CRY1: variants seen among roughly 807,000 people sequenced by gnomAD.
CRY1 encodes cryptochrome circadian regulator 1.
CRY1 carries 45 observed loss-of-function variants against 76.0 expected under a neutral mutation model. The observed-to-expected ratio is 0.59, with a 90% CI of 0.47 to 0.76. The LOEUF (loss-of-function observed/expected upper bound fraction) is 0.76, where lower values mean the gene tolerates loss of function less well. CRY1 is among the 30% of genes least tolerant of loss of function. The pLI, the probability that CRY1 is intolerant of heterozygous loss-of-function variation, is 0.00. For missense variants in CRY1, 587 were observed against 716.4 expected (o/e 0.82, Z 2.06); for synonymous variants, 248 against 244.0 (o/e 1.02, Z -0.15).
At chr12:107,080,921 T>C (rs963439074) in intron 1 of CRY1, among the ~76,000 whole-genome samples, 9 of 152,078 alleles carry the variant, frequency 5.9e-5, no homozygotes, top group Non-Finnish European at 1.0e-4. Context: ...TTGTTACAGG[T>C]TGTGTATGTT....
chr12:107,001,808 TCAGA>T lies in CRY1; in HGVS notation c.547_550del (p.Ser183MetfsTer15), dbSNP rs768721057. ...GACTCCATATTTCTCATCATGGTCATCAGACAGAGGAGTTGTGCACTTTTCTATC... is the reference window on the plus strand; with the variant it reads ...GACTCCATATTTCTCATCATGGTCATCAGAGGAGTTGTGCACTTTTCTATC... On this transcript the variant is annotated frameshift_variant, in exon 4 of 13. Transcript: ENST00000008527. LOFTEE classifies it high-confidence loss of function. The T allele has an allele frequency of 2.5e-6, 4 of 1,586,064 alleles. No homozygotes were observed. In the South Asian group the frequency reaches 4.7e-5, roughly 19 times the overall value.
intron 2 of CRY1, among the ~76,000 whole-genome samples, chr12:107,020,249 C>T (rs181148967): frequency 4.0e-5 from 6 of 149,690 alleles, no homozygotes; most frequent in East Asian, 2.0e-4. Flanking sequence ...TTGATCTTCT[C>T]ATTCACATAA....
chr12:107,013,565 A>AT (rs1415973668), intron 2 of CRY1, among the ~76,000 whole-genome samples: 1 of 152,206 alleles, frequency 6.6e-6, no homozygotes, highest in Non-Finnish European at 1.5e-5. Flanking sequence ...CCAAACTTGT[A>AT]ACATCTCCCA....
At chr12:107,009,579 TATATATATATATATATATATATAA>T (rs1457696163) in intron 2 of CRY1, among the ~76,000 whole-genome samples, 25 of 50,088 alleles carry the variant, frequency 5.0e-4, no homozygotes, top group East Asian at 3.0e-3. Flanking sequence ...TATATATATA[TATATATATATATATATATATATAA>T]AATCTCTATA....
intron 1 of CRY1, among the ~76,000 whole-genome samples, chr12:107,037,337 G>C (rs1341642703): frequency 1.3e-5 from 2 of 152,142 alleles, no homozygotes; most frequent in Non-Finnish European, 2.9e-5. Context: ...TTCGAGACCA[G>C]CCTGGCCAAC....
chr12:107,042,134 C>T (rs761507855), intron 1 of CRY1, among the ~76,000 whole-genome samples: 3 of 151,978 alleles, frequency 2.0e-5, no homozygotes, highest in Non-Finnish European at 4.4e-5. Flanking sequence ...AAATGAATGA[C>T]TGAATAATTA....
intron 1 of CRY1, among the ~76,000 whole-genome samples, chr12:107,044,350 A>AGCT (rs1400258401): frequency 6.6e-6 from 1 of 152,190 alleles, no homozygotes; most frequent in Non-Finnish European, 1.5e-5. Flanking sequence ...ATGCTGCTGC[A>AGCT]GCTGCTGCCG....
intron 10 of CRY1, among the ~76,000 whole-genome samples, chr12:106,994,409 A>G (rs1952211266): frequency 6.6e-6 from 1 of 152,128 alleles, no homozygotes. Context: ...ACATGGAGGC[A>G]GCATCTTATA....
chr12:107,063,676 C>A (rs1340022257), intron 1 of CRY1, among the ~76,000 whole-genome samples: 1 of 152,156 alleles, frequency 6.6e-6, no homozygotes, highest in African/African-American at 2.4e-5. Flanking sequence ...CGGCTCACTG[C>A]AACCTCCGCC....
intron 1 of CRY1, among the ~76,000 whole-genome samples, chr12:107,041,621 T>C (rs561425525): frequency 3.6e-4 from 55 of 152,308 alleles, no homozygotes; most frequent in African/African-American, 1.3e-3. Flanking sequence ...AAATCATGTA[T>C]AAAATATACT....
intron 1 of CRY1, among the ~76,000 whole-genome samples, chr12:107,089,759 T>G (rs1340125250): frequency 6.6e-6 from 1 of 152,174 alleles, no homozygotes; most frequent in Non-Finnish European, 1.5e-5. Flanking sequence ...AGGTAGATCT[T>G]GCCAGGCTAA....
At chr12:106,996,220 GTGTT>G (rs2136818168) in intron 10 of CRY1, among the ~76,000 whole-genome samples, 1 of 152,316 alleles carries the variant, frequency 6.6e-6, no homozygotes, top group South Asian at 2.1e-4. Context: ...AGAACATGAG[GTGTT>G]TGGTTTTCTG....
chr12:107,024,559 T>C (rs1227789966), intron 1 of CRY1, among the ~76,000 whole-genome samples: 1 of 152,150 alleles, frequency 6.6e-6, no homozygotes, highest in Non-Finnish European at 1.5e-5. Context: ...GTAGTTTTTG[T>C]AGAGGTGGGG....
intron 1 of CRY1, among the ~76,000 whole-genome samples, chr12:107,087,473 C>T (rs189204003): frequency 1.3e-5 from 2 of 152,340 alleles, no homozygotes; most frequent in Non-Finnish European, 2.9e-5. Context: ...AAGAGTCAAG[C>T]GAGATTATTT....
intron 1 of CRY1, among the ~76,000 whole-genome samples, chr12:107,085,196 C>T (rs184029526): frequency 6.6e-5 from 10 of 152,108 alleles, no homozygotes; most frequent in South Asian, 2.1e-4. Flanking sequence ...GAAATAGGAA[C>T]GCTTTTACAC....
At chr12:107,008,002 T>C (rs1174510059) in intron 2 of CRY1, among the ~76,000 whole-genome samples, 2 of 152,160 alleles carry the variant, frequency 1.3e-5, no homozygotes, top group Admixed American at 1.3e-4. Flanking sequence ...GTAGAAAACA[T>C]ACCAGGTTTC....
chr12:106,996,024 G>C (rs1833711059), intron 10 of CRY1, among the ~76,000 whole-genome samples: 2 of 152,084 alleles, frequency 1.3e-5, no homozygotes, highest in African/African-American at 4.8e-5. Context: ...TGTCTTTTTA[G>C]TAGAGACGGG....
intron 2 of CRY1, among the ~76,000 whole-genome samples, chr12:107,018,048 C>A (rs182746117): frequency 6.6e-6 from 1 of 152,304 alleles, no homozygotes; most frequent in African/African-American, 2.4e-5. Flanking sequence ...ATCTCCAGTA[C>A]CTCAGACACA....
intron 3 of CRY1, among the ~76,000 whole-genome samples, chr12:107,004,725 AAT>A (rs1310911498): frequency 6.6e-6 from 1 of 152,222 alleles, no homozygotes; most frequent in Non-Finnish European, 1.5e-5. Flanking sequence ...AAGCATACAA[AAT>A]ATGTCAAGGC....
Sources: allele counts gnomAD v4.1 joint callset (sites outside exome capture counted in the v4.1 genomes callset), GRCh38; gene constraint gnomAD v4.1.1; transcripts MANE v1.5; gene names NCBI Gene and HGNC (gene_info 2026-07-23, HGNC 2026-07-21).